MIS18BP1: variants seen among roughly 807,000 people sequenced by gnomAD.
MIS18BP1 encodes the protein mis18-binding protein 1.
In MIS18BP1, 72 loss-of-function variants were observed where a neutral mutation model predicts 116.1. That is an observed-to-expected ratio of 0.62 (90% CI 0.51 to 0.75). MIS18BP1 has a LOEUF of 0.75. Ranked by LOEUF, MIS18BP1 falls within the 30% of genes least tolerant of loss-of-function variation. The probability of loss-of-function intolerance (pLI) is 0.00; values close to 1 mark genes in which losing one functional copy is unlikely to be tolerated. For missense variants in MIS18BP1, 1,363 were observed against 1,303.2 expected, an observed-to-expected ratio of 1.05 and a Z score of -0.71; for synonymous variants, 386 against 427.0, an observed-to-expected ratio of 0.90 and a Z score of 1.18.
At chr14:45,248,140 C>T (rs1236423577) in intron 1 of MIS18BP1, among the ~76,000 whole-genome samples, 1 of 150,108 alleles carries the variant, frequency 6.7e-6, no homozygotes, top group Non-Finnish European at 1.5e-5. Context: ...CTCAGCTCAC[C>T]ACAACCTCCG....
chr14:45,232,626 C>T (rs2139208379), intron 7 of MIS18BP1, 107 bp downstream of exon 7: 1 of 677,562 alleles, frequency 1.5e-6, no homozygotes, highest in East Asian at 2.9e-5. Flanking sequence ...GAAACCCCAT[C>T]TCTATTAAAA....
chr14:45,203,905 C>A lies in MIS18BP1; in HGVS notation c.*204G>T. 2.0e-6 allele frequency: 1 copy of A among 511,760 alleles called. No individual in the cohort carries two copies. The allele number at this position is 511,760 out of a possible 1,614,324, so 31.7% of individuals were successfully genotyped here. On this transcript the variant is annotated 3_prime_UTR_variant, in exon 17 of 17. Coordinates refer to ENST00000310806, the MANE Select transcript of MIS18BP1 (RefSeq NM_018353.5). Reference sequence around the variant, plus strand: ...AAAAACAAATTTACAGATATCTACACGAGCAAAAACAATTTTCTTTACATT... The same window carrying A: ...AAAAACAAATTTACAGATATCTACAAGAGCAAAAACAATTTTCTTTACATT...
chr14:45,248,013 A>G (rs935077810), intron 1 of MIS18BP1, among the ~76,000 whole-genome samples: 7 of 148,058 alleles, frequency 4.7e-5, no homozygotes, highest in South Asian at 2.1e-4. Flanking sequence ...TTTAGCAGAA[A>G]TACTGTACTT....
At chr14:45,222,303 CTCT>C (rs1215880534) in intron 11 of MIS18BP1, among the ~76,000 whole-genome samples, 2 of 152,066 alleles carry the variant, frequency 1.3e-5, no homozygotes, top group African/African-American at 4.8e-5. Flanking sequence ...TCCTCCACTT[CTCT>C]TCTTCTTTGC....
Position 45,224,080 on chromosome 14 carries a change from C to A in MIS18BP1, c.2507G>T (p.Arg836Ile). The change falls in exon 11 of 17, where the codon AGA becomes ATA. Residue 836 changes from arginine to isoleucine, a missense_variant. Coordinates refer to ENST00000310806, the MANE Select transcript of MIS18BP1 (RefSeq NM_018353.5). ...CTGAAGAGTTTCTTTGACGGAAGGT[C>A]TAGCTTTCTTTTGTTTGATATAAAA... ...NEFYIKQKKARPSVKETLQKS... is the reference protein window; with the variant it reads ...NEFYIKQKKAIPSVKETLQKS... The A allele has an allele frequency of 6.2e-7, 1 of 1,612,930 alleles. No individual in the cohort carries two copies. Among genetic ancestry groups the A allele is most frequent in the Non-Finnish European group, 8.5e-7 (1 of 1,179,808 alleles).
chr14:45,223,919 A>T lies in MIS18BP1; in HGVS notation c.2668T>A (p.Cys890Ser). The change falls in exon 11 of 17, where the codon TGT (cysteine) becomes AGT (serine). Residue 890 changes from cysteine (C) to serine (S), a missense_variant and splice_region_variant. Transcript: ENST00000310806. ...WNEKELQKLH[C>S]AFASLPKHKP... ...TCGGAATGAAATCTAACTACTTACC[A>T]ATGAAGTTTCTGTAACTCCTTCTCA... is the stretch of plus-strand genomic sequence containing the variant. The T allele has an allele frequency of 6.4e-7, 1 of 1,565,004 alleles. No individual in the cohort carries two copies. Among genetic ancestry groups the T allele is most frequent in the African/African-American group, 1.4e-5 (1 of 72,632 alleles).
intron 12 of MIS18BP1, among the ~76,000 whole-genome samples, chr14:45,217,519 G>A (rs554370314): frequency 2.0e-5 from 3 of 152,262 alleles, no homozygotes; most frequent in Admixed American, 2.0e-4. Context: ...TCTACACTGG[G>A]ATCTGGGATT....
chr14:45,243,426 T>G (rs1380682647), intron 2 of MIS18BP1, among the ~76,000 whole-genome samples: 1 of 152,136 alleles, frequency 6.6e-6, no homozygotes, highest in African/African-American at 2.4e-5. Context: ...GTTTCTCAAC[T>G]AGATAAATAA....
intron 13 of MIS18BP1, among the ~76,000 whole-genome samples, chr14:45,212,089 C>CATTG (rs1890689671): frequency 6.6e-6 from 1 of 152,154 alleles, no homozygotes; most frequent in African/African-American, 2.4e-5. Flanking sequence ...GCTTTGCTCA[C>CATTG]ATTGGACTGT....
intron 10 of MIS18BP1, 126 bp from the exon 11 acceptor site, chr14:45,224,872 CACCT>C (rs1212541894): frequency 1.0e-5 from 7 of 691,444 alleles, no homozygotes; most frequent in Non-Finnish European, 1.6e-5. Flanking sequence ...ACTGTATACC[CACCT>C]GTCATATTAA....
At chr14:45,208,222 G>C (rs900105334) in intron 14 of MIS18BP1, among the ~76,000 whole-genome samples, 1 of 151,690 alleles carries the variant, frequency 6.6e-6, no homozygotes, top group Non-Finnish European at 1.5e-5. Flanking sequence ...TGGATGTTTT[G>C]GTCATTCTCA....
In MIS18BP1 at chr14:45,203,764, T is replaced by G. The variant is rs1009341875; in HGVS notation, c.*345A>C. 1 of 145,524 alleles carries G rather than the reference T, an allele frequency of 6.9e-6. No homozygotes were observed. Among genetic ancestry groups the G allele is most frequent in the Non-Finnish European group, 1.4e-5 (1 of 69,878 alleles). 9.0% of individuals were successfully genotyped at this position (145,524 alleles called of 1,614,324 possible). A position where few individuals can be genotyped will look rare whatever the true frequency, so the allele number is the denominator to read the frequency against. On this transcript the variant is annotated 3_prime_UTR_variant, in exon 17 of 17. Coordinates refer to ENST00000310806, the MANE Select transcript of MIS18BP1 (RefSeq NM_018353.5). Reference sequence around the variant, plus strand: ...TGTCATCCTTCTCACCTTCTCTTACTTAAATGGTAGCAAAATTTTCTTGAA... The same window carrying G: ...TGTCATCCTTCTCACCTTCTCTTACGTAAATGGTAGCAAAATTTTCTTGAA...
intron 2 of MIS18BP1, 73 bp downstream of exon 2, chr14:45,246,670 A>C: frequency 1.4e-6 from 2 of 1,404,210 alleles, no homozygotes; most frequent in South Asian, 3.0e-5. Context: ...CTATATTCTG[A>C]GCACCTAAAA....
chr14:45,235,590 C>CAAAAAAAAA (rs77272289), intron 6 of MIS18BP1, among the ~76,000 whole-genome samples: 1 of 68,700 alleles, frequency 1.5e-5, no homozygotes, highest in Non-Finnish European at 3.0e-5. Flanking sequence ...ACTCCATTTC[C>CAAAAAAAAA]AAAAAAAAAA....
At chr14:45,206,234 T>A in intron 14 of MIS18BP1, 64 bp from the exon 15 acceptor site, 1 of 1,077,218 alleles carries the variant, frequency 9.3e-7, no homozygotes, top group Non-Finnish European at 1.4e-6. Flanking sequence ...AATTTTAAGT[T>A]AACTGTCATA....
At position 45,205,449 on chromosome 14, in the gene MIS18BP1, T is replaced by C. The variant is rs890545644; in HGVS notation, c.3240+634A>G. Among the ~76,000 whole-genome samples the C allele has an allele frequency of 2.6e-5, 4 of 152,110 alleles. No homozygotes were observed. In the South Asian group the frequency reaches 8.3e-4, roughly 32 times the overall value. ...ACTTTTTCCAGAATCCTAGTACTTATATATGATAATCAGTTATTGCAATTA... is the reference window on the plus strand; with the variant it reads ...ACTTTTTCCAGAATCCTAGTACTTACATATGATAATCAGTTATTGCAATTA... On this transcript the variant is annotated intron_variant, in intron 15 of 16. Coordinates refer to ENST00000310806, the MANE Select transcript of MIS18BP1 (RefSeq NM_018353.5).
At chr14:45,236,643 A>G (rs1221836741) in intron 5 of MIS18BP1, among the ~76,000 whole-genome samples, 1 of 152,196 alleles carries the variant, frequency 6.6e-6, no homozygotes. Context: ...AAACTCACAC[A>G]TTATACCTTA....
In MIS18BP1 at chr14:45,223,481, G is replaced by A. The variant is rs151294850; in HGVS notation, c.2669+437C>T. Among the ~76,000 whole-genome samples, 1,087 of 152,336 alleles carry A rather than the reference G, an allele frequency of 7.1e-3. 11 individuals are homozygous for A. Among genetic ancestry groups the A allele is most frequent in the African/African-American group, 0.025 (1,021 of 41,572 alleles). ...AGTCCCAGCTACTCAGGAGGCTGAGGCAGGAGAATCGCTTGAACCCGGGAG... is the reference window on the plus strand; with the variant it reads ...AGTCCCAGCTACTCAGGAGGCTGAGACAGGAGAATCGCTTGAACCCGGGAG... On this transcript the variant is annotated intron_variant, in intron 11 of 16. Transcript: ENST00000310806.
chr14:45,214,799 T>TCCAGGCACCA (rs1044438997), intron 13 of MIS18BP1, among the ~76,000 whole-genome samples: 1 of 152,232 alleles, frequency 6.6e-6, no homozygotes, highest in Non-Finnish European at 1.5e-5. Context: ...TTGCCCAGGC[T>TCCAGGCACCA]GGAGTGCAAT....
Sources: allele counts gnomAD v4.1 joint callset (sites outside exome capture counted in the v4.1 genomes callset), GRCh38; gene constraint gnomAD v4.1.1; transcripts MANE v1.5; gene names NCBI Gene and HGNC (gene_info 2026-07-23, HGNC 2026-07-21).